The following TRPM7 variants were observed in gnomAD, a reference collection of about 807,000 sequenced individuals.
TRPM7 encodes the protein LTRPC ion channel family member 7.
In TRPM7, 134 loss-of-function variants were observed where a neutral mutation model predicts 229.7. That is an observed-to-expected ratio of 0.58 (90% confidence interval 0.51 to 0.67). The LOEUF (loss-of-function observed/expected upper bound fraction) is 0.67, where lower values mean the gene tolerates loss of function less well. Ranked by LOEUF, TRPM7 falls within the 30% of genes least tolerant of loss-of-function variation. The pLI is 0.00. For synonymous variants in TRPM7, 699 were observed against 715.2 expected, an observed-to-expected ratio of 0.98 and a Z score of 0.36; for missense variants, 1,901 against 2,210.0, an observed-to-expected ratio of 0.86 and a Z score of 2.80.
intron 23 of TRPM7, 102 bp downstream of exon 23, chr15:50,596,153 C>T (rs1331990065): frequency 1.3e-6 from 1 of 749,736 alleles, no homozygotes; most frequent in Non-Finnish European, 1.9e-6. Flanking sequence ...TAGTTTAAGC[C>T]TCAATAAAAT....
intron 28 of TRPM7, among the ~76,000 whole-genome samples, chr15:50,585,251 C>T (rs892634776): frequency 1.1e-4 from 17 of 152,024 alleles, no homozygotes; most frequent in Admixed American, 5.2e-4. Flanking sequence ...TTAGTAGAGA[C>T]GGGGTTTCAC....
At chr15:50,627,992 C>A (rs933456821) in intron 11 of TRPM7, among the ~76,000 whole-genome samples, 157 bp downstream of exon 11, 3 of 152,162 alleles carry the variant, frequency 2.0e-5, no homozygotes, top group African/African-American at 7.2e-5. Flanking sequence ...TACATTAAAT[C>A]CTAAACTGGA....
intron 5 of TRPM7, among the ~76,000 whole-genome samples, chr15:50,641,650 T>C (rs940935843): frequency 6.6e-6 from 1 of 152,196 alleles, no homozygotes; most frequent in Admixed American, 6.5e-5. Context: ...ATATTTTTAC[T>C]GTTTATGGAA....
chr15:50,649,016 C>G (rs1260841741), intron 3 of TRPM7, 131 bp from the exon 4 acceptor site: 2 of 590,418 alleles, frequency 3.4e-6, no homozygotes, highest in African/African-American at 3.8e-5. Flanking sequence ...TAAAAATAAG[C>G]TTTTTGATTT....
chr15:50,627,894 C>G (rs1360791814), intron 11 of TRPM7, among the ~76,000 whole-genome samples: 1 of 152,134 alleles, frequency 6.6e-6, no homozygotes, highest in Non-Finnish European at 1.5e-5. Flanking sequence ...CTCTGGTATA[C>G]AGAGCATGAG....
In TRPM7 at chr15:50,591,955, G is replaced by C. The variant is rs747529375; in HGVS notation, c.4280C>G (p.Ser1427Cys). The change falls in exon 26 of 39, where the codon TCT becomes TGT. Residue 1427 changes from serine to cysteine, a missense_variant. Around this residue, in one of 8 missense-constraint regions of TRPM7, gnomAD observed 533 missense variants for 497.1 expected, o/e 1.07. Coordinates refer to ENST00000646667, the MANE Select transcript of TRPM7 (RefSeq NM_017672.6). ...TGTKDQETVCSKATEGDNTEF... is the reference protein window; with the variant it reads ...TGTKDQETVCCKATEGDNTEF... ...TGTATTATCTCCTTCTGTAGCTTTA[G>C]AGCAAACAGTTTCTTGATCTTTGGT... The C allele has an allele frequency of 4.4e-6, 7 of 1,599,880 alleles. No individual in the cohort carries two copies. Among genetic ancestry groups the C allele is most frequent in the Non-Finnish European group, 6.0e-6 (7 of 1,176,212 alleles).
chr15:50,679,532 A>G (rs1289676782), intron 1 of TRPM7, among the ~76,000 whole-genome samples: 2 of 33,388 alleles, frequency 6.0e-5, no homozygotes, highest in Non-Finnish European at 1.1e-4. Context: ...ATATATATAT[A>G]TATATATTTT....
At chr15:50,633,424 G>A (rs2140673615) in intron 8 of TRPM7, among the ~76,000 whole-genome samples, 1 of 152,174 alleles carries the variant, frequency 6.6e-6, no homozygotes, top group South Asian at 2.1e-4. Flanking sequence ...AAAATTAATA[G>A]TGAAAGTCTC....
chr15:50,665,756 A>T (rs554163876), intron 1 of TRPM7, among the ~76,000 whole-genome samples: 33 of 152,284 alleles, frequency 2.2e-4, no homozygotes, highest in Middle Eastern at 6.8e-3. Flanking sequence ...GCACTTTGGG[A>T]GGCCGAGGTG....
In TRPM7 at chr15:50,559,460, T is replaced by A. The variant is rs1313219403; in HGVS notation, c.*2218A>T. Reference sequence around the variant, plus strand: ...CACCTGCCTTGGCCTCCCGAAGTGCTGGGATTACAGGCATGAGCCACCATG... The same window carrying A: ...CACCTGCCTTGGCCTCCCGAAGTGCAGGGATTACAGGCATGAGCCACCATG... On this transcript the variant is annotated 3_prime_UTR_variant, in exon 39 of 39. Transcript: ENST00000646667. The A allele has an allele frequency of 2.6e-5, 4 of 151,938 alleles. No homozygotes were observed. Among genetic ancestry groups the A allele is most frequent in the African/African-American group, 9.7e-5 (4 of 41,310 alleles). 9.4% of individuals were successfully genotyped at this position (151,938 alleles called of 1,614,324 possible). A position where few individuals can be genotyped will look rare whatever the true frequency, so the allele number is the denominator to read the frequency against.
At chr15:50,675,514 C>T (rs751184969) in intron 1 of TRPM7, among the ~76,000 whole-genome samples, 3 of 152,122 alleles carry the variant, frequency 2.0e-5, no homozygotes, top group Non-Finnish European at 4.4e-5. Flanking sequence ...ACACAGGAAT[C>T]GGCTTCACAA....
intron 31 of TRPM7, 91 bp from the exon 32 acceptor site, chr15:50,576,010 T>C: frequency 7.5e-7 from 1 of 1,331,364 alleles, no homozygotes; most frequent in Non-Finnish European, 1.0e-6. Context: ...TCATTTTGAA[T>C]TTCCATAGTG....
rs765673400 is a variant in TRPM7, at chr15:50,630,332, G to T, written c.1204+1085C>A. 2.1e-4 allele frequency among the ~76,000 whole-genome samples: 32 copies of T among 152,042 alleles called. 1 individual carries two copies. The highest frequency in any genetic ancestry group is 5.9e-5 in the Non-Finnish European group (4 of 68,024). The stretch of plus-strand genomic sequence containing the variant: ...TTGGCAATTTATTATGGTCTAATAT[G>T]CAAGAAAATTCTTGTAAATAAAAGG... On this transcript the variant is annotated intron_variant, in intron 10 of 38. Transcript: ENST00000646667.
intron 5 of TRPM7, among the ~76,000 whole-genome samples, chr15:50,641,076 T>C (rs1185605229): frequency 6.6e-6 from 1 of 152,218 alleles, no homozygotes; most frequent in Non-Finnish European, 1.5e-5. Context: ...ACCCAAATTA[T>C]GAAAATAGCA....
intron 36 of TRPM7, among the ~76,000 whole-genome samples, chr15:50,570,927 A>G (rs1323944050): frequency 6.6e-6 from 1 of 152,062 alleles, no homozygotes; most frequent in Non-Finnish European, 1.5e-5. Flanking sequence ...ACATTAACAC[A>G]TATCACATTT....
chr15:50,671,660 A>G (rs559207869), intron 1 of TRPM7, among the ~76,000 whole-genome samples: 1 of 152,072 alleles, frequency 6.6e-6, no homozygotes, highest in African/African-American at 2.4e-5. Flanking sequence ...GTTTTTTTTA[A>G]TTAGCCAAGC....
At chr15:50,652,904 G>A (rs996451039) in intron 3 of TRPM7, among the ~76,000 whole-genome samples, 6 of 152,198 alleles carry the variant, frequency 3.9e-5, no homozygotes, top group African/African-American at 1.4e-4. Context: ...GCTCGTGCCT[G>A]TAATCCCAGC....
chr15:50,648,243 T>A (rs2061326064), intron 4 of TRPM7, among the ~76,000 whole-genome samples: 1 of 150,160 alleles, frequency 6.7e-6, no homozygotes, highest in African/African-American at 2.5e-5. Context: ...AATAAAGGAG[T>A]AAGAAAATAA....
At chr15:50,633,718 A>G (rs555724643) in intron 8 of TRPM7, among the ~76,000 whole-genome samples, 2 of 152,222 alleles carry the variant, frequency 1.3e-5, no homozygotes, top group African/African-American at 4.8e-5. Context: ...CTTTGTTCCA[A>G]TCTTTTATAA....
Sources: gnomAD v4.1 joint callset for allele counts (sites outside exome capture counted in the v4.1 genomes callset) on GRCh38, gnomAD v4.1.1 for gene constraint, gnomAD v4.1.1 regional missense constraint, MANE v1.5 for transcripts, NCBI Gene and HGNC (gene_info 2026-07-23, HGNC 2026-07-21) for gene names.